KIAA0040: variants seen among roughly 807,000 people sequenced by gnomAD.
KIAA0040 encodes the protein KIAA0040, also known as uncharacterized protein KIAA0040.
A neutral mutation model predicts 7.2 loss-of-function variants in KIAA0040; 10 were observed. The ratio of observed to expected loss-of-function variants is 1.38; its 90% CI spans 0.85 to 2.34. The LOEUF (loss-of-function observed/expected upper bound fraction) is 2.34, where lower values mean the gene tolerates loss of function less well. KIAA0040 is among the 30% of genes most tolerant of loss of function. The pLI, the probability that KIAA0040 is intolerant of heterozygous loss-of-function variation, is 0.00. For synonymous variants in KIAA0040, 49 were observed against 40.1 expected (o/e 1.22, Z -0.84); for missense variants, 89 against 108.2 (o/e 0.82, Z 0.79).
Position 175,178,682 on chromosome 1 carries a change from A to C in KIAA0040, c.-383-998T>G, listed in dbSNP as rs573586752. ...ACTGAAGTCCTGCTCTGCTTAGCCA[A>C]GTGGCAGGGCAAGTCACAGAGCTTC... On this transcript the variant is annotated intron_variant, in intron 1 of 3. Transcript: ENST00000423313. Among the ~76,000 whole-genome samples the C allele has an allele frequency of 5.9e-5, 9 of 152,288 alleles. No individual in the cohort carries two copies. The South Asian group carries it at 1.2e-3, about 21-fold the overall frequency.
intron 1 of KIAA0040, among the ~76,000 whole-genome samples, chr1:175,186,988 T>TGGGCAGGAGGGAAGTTTCA (rs1419054351): frequency 6.6e-6 from 1 of 152,112 alleles, no homozygotes; most frequent in Non-Finnish European, 1.5e-5. Context: ...TTGTGGGCCT[T>TGGGCAGGAGGGAAGTTTCA]GGGCAGGAGG....
rs1262881125 is a variant in KIAA0040 at position 175,160,420 on chromosome 1, G to C, written c.*294C>G. On this transcript the variant is annotated 3_prime_UTR_variant, in exon 4 of 4. Coordinates refer to ENST00000423313, the MANE Select transcript of KIAA0040 (RefSeq NM_014656.3). ...ACCATATTGAGATGTATGGATAAAT[G>C]TTCTTTGTGCTTTGCATGTGGGGTA... 1 of 382,536 alleles carries C rather than the reference G, an allele frequency of 2.6e-6. No homozygotes were observed. Among genetic ancestry groups the C allele is most frequent in the African/African-American group, 2.0e-5 (1 of 49,162 alleles). The allele number at this position is 382,536 out of a possible 1,614,324, so 23.7% of individuals were successfully genotyped here. A position where few individuals can be genotyped will look rare whatever the true frequency, so the allele number is the denominator to read the frequency against.
chr1:175,181,284 C>T (rs1677431387), intron 1 of KIAA0040, among the ~76,000 whole-genome samples: 1 of 152,202 alleles, frequency 6.6e-6, no homozygotes, highest in Non-Finnish European at 1.5e-5. Flanking sequence ...GTAAAAAGAC[C>T]TCCCTGCTTT....
At chr1:175,173,055 G>A (rs1677049077) in intron 2 of KIAA0040, among the ~76,000 whole-genome samples, 1 of 151,860 alleles carries the variant, frequency 6.6e-6, no homozygotes, top group Non-Finnish European at 1.5e-5. Flanking sequence ...TAGTGAATCA[G>A]GGCAGCCACC....
chr1:175,165,105 T>C (rs1295510702), intron 3 of KIAA0040, among the ~76,000 whole-genome samples: 1 of 152,176 alleles, frequency 6.6e-6, no homozygotes, highest in Non-Finnish European at 1.5e-5. Flanking sequence ...CCAAATATTA[T>C]TTACCTCCAT....
At chr1:175,170,278 T>A (rs1039931189) in intron 2 of KIAA0040, among the ~76,000 whole-genome samples, 1 of 152,192 alleles carries the variant, frequency 6.6e-6, no homozygotes, top group Non-Finnish European at 1.5e-5. Flanking sequence ...ACTTGGGCCC[T>A]GTGGGTATGG....
At chr1:175,176,710 CCTT>C (rs1450546655) in intron 2 of KIAA0040, among the ~76,000 whole-genome samples, 1 of 41,470 alleles carries the variant, frequency 2.4e-5, no homozygotes, top group Non-Finnish European at 5.2e-5. Flanking sequence ...TGCTTCAGCA[CCTT>C]CTTTCTTTGA....
rs1407967481 is a variant in KIAA0040, at chr1:175,169,527, G to A, written c.-309-2790C>T. On this transcript the variant is annotated intron_variant, in intron 2 of 3. Transcript: ENST00000423313. ...CTGATTGTTTGATCCCAAACAAATAGGCTGGCCAAAGTAAACAGCCCTTGA... is the reference window on the plus strand; with the variant it reads ...CTGATTGTTTGATCCCAAACAAATAAGCTGGCCAAAGTAAACAGCCCTTGA... Among the ~76,000 whole-genome samples, 6 of 152,202 alleles carry A rather than the reference G, an allele frequency of 3.9e-5. No individual in the cohort carries two copies. In the South Asian group the frequency reaches 1.0e-3, roughly 26 times the overall value.
At position 175,160,375 on chromosome 1, in the gene KIAA0040, G is replaced by A. The variant is rs1676480099; in HGVS notation, c.*339C>T. 3.9e-6 allele frequency: 1 copy of A among 258,562 alleles called. No individual in the cohort carries two copies. Among genetic ancestry groups the A allele is most frequent in the East Asian group, 9.0e-5 (1 of 11,162 alleles). 16.0% of individuals were successfully genotyped at this position (258,562 alleles called of 1,614,324 possible). A position where few individuals can be genotyped will look rare whatever the true frequency, so the allele number is the denominator to read the frequency against. On this transcript the variant is annotated 3_prime_UTR_variant, in exon 4 of 4. Coordinates refer to ENST00000423313, the MANE Select transcript of KIAA0040 (RefSeq NM_014656.3). Reference sequence around the variant, plus strand: ...GAATTTGTGTGTGTGTGTGTTACGTGCATGTGCACACACTTGGGAACCATA... The same window carrying A: ...GAATTTGTGTGTGTGTGTGTTACGTACATGTGCACACACTTGGGAACCATA...
At chr1:175,161,391 T>G (rs1676537472) in intron 3 of KIAA0040, among the ~76,000 whole-genome samples, 1 of 152,210 alleles carries the variant, frequency 6.6e-6, no homozygotes. Context: ...ATATCAGGTC[T>G]GGCACGTAGG....
intron 1 of KIAA0040, among the ~76,000 whole-genome samples, chr1:175,183,528 C>A (rs987477393): frequency 6.6e-6 from 1 of 152,154 alleles, no homozygotes; most frequent in African/African-American, 2.4e-5. Flanking sequence ...GTGAGGGGAC[C>A]AGGACCCGGG....
At chr1:175,169,074 A>C (rs1232940673) in intron 2 of KIAA0040, among the ~76,000 whole-genome samples, 1 of 152,140 alleles carries the variant, frequency 6.6e-6, no homozygotes, top group East Asian at 1.9e-4. Flanking sequence ...GTTAGAATAA[A>C]CTTTTGTTGG....
intron 1 of KIAA0040, among the ~76,000 whole-genome samples, chr1:175,178,877 C>T (rs991886042): frequency 6.7e-6 from 1 of 148,750 alleles, no homozygotes; most frequent in Non-Finnish European, 1.5e-5. Context: ...TAATTAAATG[C>T]TAAACTGAAA....
At chr1:175,173,404 G>T (rs144283675) in intron 2 of KIAA0040, among the ~76,000 whole-genome samples, 1,570 of 152,198 alleles carry the variant, frequency 0.01, 35 homozygotes, top group African/African-American at 0.035. Flanking sequence ...TGGAATCAAG[G>T]GTTTACAGAC....
At chr1:175,192,432 AG>A (rs1190266693) in intron 1 of KIAA0040, among the ~76,000 whole-genome samples, 3 of 152,188 alleles carry the variant, frequency 2.0e-5, no homozygotes, top group East Asian at 3.9e-4. Flanking sequence ...AGGCGCAGAG[AG>A]GAAGACTCCT....
At chr1:175,176,153 G>A (rs1677181660) in intron 2 of KIAA0040, among the ~76,000 whole-genome samples, 1 of 152,170 alleles carries the variant, frequency 6.6e-6, no homozygotes, top group Non-Finnish European at 1.5e-5. Context: ...AGTGGTGGTG[G>A]GGGAGACATT....
At position 175,169,107 on chromosome 1, in the gene KIAA0040, ATTTTC is replaced by A. The variant is rs1281543156; in HGVS notation, c.-309-2375_-309-2371del. 2.6e-5 allele frequency among the ~76,000 whole-genome samples: 4 copies of A among 152,208 alleles called. No individual in the cohort carries two copies. The South Asian group carries it at 6.2e-4, about 24-fold the overall frequency. On this transcript the variant is annotated intron_variant, in intron 2 of 3. Coordinates refer to ENST00000423313, the MANE Select transcript of KIAA0040 (RefSeq NM_014656.3). ...TGGGTGAAGCCACTGAGATTTGGGG[ATTTTC>A]TGCTACAGCAGTTAGCCTATCCTGC...
chr1:175,185,894 A>G (rs996296305), intron 1 of KIAA0040, among the ~76,000 whole-genome samples: 2 of 152,268 alleles, frequency 1.3e-5, no homozygotes, highest in Non-Finnish European at 2.9e-5. Flanking sequence ...TACAACATAC[A>G]TCAACCCTGA....
At chr1:175,162,144 A>G (rs750401348) in intron 3 of KIAA0040, among the ~76,000 whole-genome samples, 103 of 152,292 alleles carry the variant, frequency 6.8e-4, no homozygotes, top group Non-Finnish European at 1.1e-3. Context: ...AAGGTCTTAG[A>G]GGCTGCCTTC....
Sources: allele counts gnomAD v4.1 joint callset (sites outside exome capture counted in the v4.1 genomes callset), GRCh38; gene constraint gnomAD v4.1.1; transcripts MANE v1.5; gene names NCBI Gene and HGNC (gene_info 2026-07-23, HGNC 2026-07-21).